Variants in DCC observed in about 807,000 individuals in gnomAD.
DCC encodes the protein DCC netrin 1 receptor, also known as netrin receptor DCC.
Under a neutral mutation model 172.5 loss-of-function variants are expected in DCC, and 58 were observed. The observed-to-expected ratio is 0.34, with a 90% CI of 0.27 to 0.42. The LOEUF is 0.42. Among genes scored for constraint, DCC ranks in the 10% least tolerant of loss-of-function variants. The pLI, the probability that DCC is intolerant of heterozygous loss-of-function variation, is 1.00. For synonymous variants in DCC, 709 were observed against 644.5 expected (o/e 1.10, Z -1.52); for missense variants, 1,740 against 1,791.0 (o/e 0.97, Z 0.51).
chr18:52,507,279 C>A (rs144533812), intron 1 of DCC, among the ~76,000 whole-genome samples: 1 of 152,156 alleles, frequency 6.6e-6, no homozygotes, highest in East Asian at 1.9e-4. Flanking sequence ...GTGAACAGGA[C>A]TAAGATGTTA....
intron 2 of DCC, among the ~76,000 whole-genome samples, chr18:52,808,227 G>T (rs2038124501): frequency 6.6e-6 from 1 of 152,146 alleles, no homozygotes; most frequent in Non-Finnish European, 1.5e-5. Context: ...TGTCTAAAAG[G>T]TCTTGTTCTG....
chr18:52,401,930 A>G (rs1479603790), intron 1 of DCC, among the ~76,000 whole-genome samples: 10 of 152,016 alleles, frequency 6.6e-5, no homozygotes, highest in Non-Finnish European at 1.5e-5. Context: ...ACTTTGTTAC[A>G]TTAATACAAC....
intron 1 of DCC, among the ~76,000 whole-genome samples, chr18:52,524,993 C>G (rs1178865027): frequency 6.6e-6 from 1 of 151,942 alleles, no homozygotes; most frequent in Non-Finnish European, 1.5e-5. Context: ...AGGTATGTAT[C>G]TTCTCTGAGA....
At chr18:52,848,345 C>T (rs2038927689) in intron 2 of DCC, among the ~76,000 whole-genome samples, 1 of 152,036 alleles carries the variant, frequency 6.6e-6, no homozygotes, top group African/African-American at 2.4e-5. Flanking sequence ...CCTCGGCCTC[C>T]CAAAGTGTTG....
chr18:52,710,686 C>A (rs62084390), intron 1 of DCC, among the ~76,000 whole-genome samples: 5,632 of 152,014 alleles, frequency 0.037, 150 homozygotes, highest in Middle Eastern at 0.065. Context: ...TTTATCTCAG[C>A]AAACAAAAAA....
intron 15 of DCC, among the ~76,000 whole-genome samples, chr18:53,349,585 GA>G (rs1185266086): frequency 6.6e-6 from 1 of 152,202 alleles, no homozygotes; most frequent in Admixed American, 6.5e-5. Flanking sequence ...ATTTACAAAA[GA>G]AAGGGGTTTA....
chr18:52,938,031 A>C (rs2040406257), intron 5 of DCC, among the ~76,000 whole-genome samples: 1 of 152,118 alleles, frequency 6.6e-6, no homozygotes, highest in Admixed American at 6.5e-5. Context: ...ATACACAAAT[A>C]CTTTATAAGT....
intron 1 of DCC, among the ~76,000 whole-genome samples, chr18:52,588,205 C>T (rs2033721034): frequency 6.6e-6 from 1 of 152,146 alleles, no homozygotes; most frequent in East Asian, 1.9e-4. Flanking sequence ...TAGAGGCCTC[C>T]TCTGTGATTC....
chr18:52,357,811 G>C (rs1408076445), intron 1 of DCC, among the ~76,000 whole-genome samples: 1 of 151,998 alleles, frequency 6.6e-6, no homozygotes, highest in South Asian at 2.1e-4. Context: ...GGTGGCGGGT[G>C]CCTGTAGTCC....
chr18:53,382,757 G>A (rs1016024293), intron 15 of DCC, among the ~76,000 whole-genome samples: 1 of 152,208 alleles, frequency 6.6e-6, no homozygotes. Context: ...CTTTTGGAGG[G>A]AAAGCAATTC....
intron 1 of DCC, among the ~76,000 whole-genome samples, chr18:52,605,188 C>T (rs372376515): frequency 1.1e-4 from 16 of 151,606 alleles, no homozygotes; most frequent in African/African-American, 2.2e-4. Context: ...TGTGAAGATG[C>T]GGGTGGAAGC....
At position 52,883,329 on chromosome 18, in the gene DCC, T is replaced by C. The variant is rs562039107; in HGVS notation, c.413-22715T>C. ...TCTGTTTTATTTTTATTTTATTTTT[T>C]ATTTATTTATTTATTTATTTATGTG... On this transcript the variant is annotated intron_variant, in intron 2 of 28. Coordinates refer to ENST00000442544, the MANE Select transcript of DCC (RefSeq NM_005215.4). 5.1e-3 allele frequency among the ~76,000 whole-genome samples: 303 copies of C among 59,938 alleles called. 2 individuals are homozygous for C. Among genetic ancestry groups the C allele is most frequent in the African/African-American group, 0.015 (287 of 19,212 alleles). 39.3% of individuals were successfully genotyped at this position (59,938 alleles called of 152,430 possible).
At chr18:53,226,086 G>C (rs1020396490) in intron 12 of DCC, among the ~76,000 whole-genome samples, 5 of 152,182 alleles carry the variant, frequency 3.3e-5, no homozygotes, top group Non-Finnish European at 7.3e-5. Flanking sequence ...ATATGCCCCA[G>C]TGTCACACAG....
intron 1 of DCC, among the ~76,000 whole-genome samples, chr18:52,500,000 C>G (rs766292317): frequency 6.6e-6 from 1 of 152,134 alleles, no homozygotes; most frequent in South Asian, 2.1e-4. Flanking sequence ...GGATTAACAC[C>G]TTTCCCAGCC....
At chr18:53,026,712 T>C (rs2041959568) in intron 5 of DCC, among the ~76,000 whole-genome samples, 1 of 152,034 alleles carries the variant, frequency 6.6e-6, no homozygotes, top group Non-Finnish European at 1.5e-5. Flanking sequence ...CGTGCTGCCA[T>C]ACCTGACTAA....
rs1308344097 is a variant in DCC, at chr18:52,578,039, A to G, written c.92-174015A>G. ...AAGGATCACCAAGGCAACGAGGATT[A>G]TTCTTCACACACATCCCTCAGGCTT... On this transcript the variant is annotated intron_variant, in intron 1 of 28. Coordinates refer to ENST00000442544, the MANE Select transcript of DCC (RefSeq NM_005215.4). Among the ~76,000 whole-genome samples, 8 of 152,190 alleles carry G rather than the reference A, an allele frequency of 5.3e-5. No individual in the cohort carries two copies. The East Asian group carries it at 9.6e-4, about 18-fold the overall frequency.
chr18:52,626,612 C>A (rs1302308055), intron 1 of DCC, among the ~76,000 whole-genome samples: 1 of 152,198 alleles, frequency 6.6e-6, no homozygotes, highest in Non-Finnish European at 1.5e-5. Flanking sequence ...CCTATAGGAT[C>A]TGGCACTCAC....
intron 1 of DCC, among the ~76,000 whole-genome samples, chr18:52,626,893 G>A (rs977626512): frequency 6.6e-6 from 1 of 152,126 alleles, no homozygotes; most frequent in Admixed American, 6.5e-5. Flanking sequence ...CAAAAAATGT[G>A]AGCATCTGTG....
At chr18:52,935,151 A>T (rs59935900) in intron 5 of DCC, among the ~76,000 whole-genome samples, 1,711 of 152,154 alleles carry the variant, frequency 0.011, 38 homozygotes, top group African/African-American at 0.039. Flanking sequence ...TAGCACAAAT[A>T]ATCTTAGATT....
Sources: gnomAD v4.1 joint callset for allele counts (sites outside exome capture counted in the v4.1 genomes callset) on GRCh38, gnomAD v4.1.1 for gene constraint, MANE v1.5 for transcripts, NCBI Gene and HGNC (gene_info 2026-07-23, HGNC 2026-07-21) for gene names.